The following ZNF131 variants were observed in gnomAD, a reference collection of about 807,000 sequenced individuals.
ZNF131 encodes zinc finger and BTB domain containing 35, also known as zinc finger protein 131.
Under a neutral mutation model 60.0 loss-of-function variants are expected in ZNF131, and 7 were observed. The observed-to-expected ratio is 0.12, with a 90% confidence interval of 0.07 to 0.22. The LOEUF is 0.22. ZNF131 is among the 10% of genes least tolerant of loss of function. The pLI, the probability that ZNF131 is intolerant of heterozygous loss-of-function variation, is 1.00. For missense variants in ZNF131, 493 were observed against 740.9 expected (o/e 0.67, Z 3.88); for synonymous variants, 257 against 253.2 (o/e 1.01, Z -0.14).
chr5:43,168,156 C>T, intron 5 of ZNF131: 1 of 259,730 alleles, frequency 3.9e-6, no homozygotes, highest in South Asian at 3.8e-5. Flanking sequence ...GAGGGCAGAG[C>T]CCTCATGATC....
Position 43,145,778 on chromosome 5 carries a change from C to T in ZNF131, c.371+6469C>T, listed in dbSNP as rs534674362. ...TTTTTTTCCTCATTTTAATATATTT[C>T]AAATAGGAATTCCTTTTAATAGTGA... On this transcript the variant is annotated intron_variant, in intron 4 of 6. Transcript: ENST00000682664. 2.6e-5 allele frequency among the ~76,000 whole-genome samples: 4 copies of T among 152,262 alleles called. No homozygotes were observed. The East Asian group carries it at 7.7e-4, about 29-fold the overall frequency.
chr5:43,162,568 GT>G (rs1749823737), intron 5 of ZNF131, among the ~76,000 whole-genome samples: 1 of 136,672 alleles, frequency 7.3e-6, no homozygotes. Context: ...CTCCAGCCTG[GT>G]CAATAGAGTG....
chr5:43,130,566 A>G (rs1205410870), intron 3 of ZNF131, among the ~76,000 whole-genome samples: 1 of 151,890 alleles, frequency 6.6e-6, no homozygotes, highest in Non-Finnish European at 1.5e-5. Flanking sequence ...TTTAATTTTA[A>G]TTTTAATTTT....
Position 43,173,147 on chromosome 5 carries a change from C to T in ZNF131, c.1055-171C>T, listed in dbSNP as rs1168039956. On this transcript the variant is annotated intron_variant, in intron 5 of 6. Transcript: ENST00000682664. ...ATATTAAATTTTATTATTTTTGCTA[C>T]CTCTAGAAAAGTCTTTGGAATATGG... 2.6e-5 allele frequency: 15 copies of T among 581,520 alleles called. No individual in the cohort carries two copies. The South Asian group carries it at 4.0e-4, about 16-fold the overall frequency. 36.0% of individuals were successfully genotyped at this position (581,520 alleles called of 1,614,324 possible).
rs139891530 is a variant in ZNF131, at chr5:43,168,169, A to G, written c.1055-5149A>G. ...ATGAGGGCAGAGCCCTCATGATCCT[A>G]TCACCTCTTAAAGGTCCTACCTCTC... On this transcript the variant is annotated intron_variant, in intron 5 of 6. Coordinates refer to ENST00000682664, the MANE Select transcript of ZNF131 (RefSeq NM_001330707.2). 1.5e-3 allele frequency: 364 copies of G among 241,456 alleles called. 1 individual carries two copies. Among genetic ancestry groups the G allele is most frequent in the African/African-American group, 6.6e-3 (291 of 44,076 alleles). 15.0% of individuals were successfully genotyped at this position (241,456 alleles called of 1,614,324 possible). A position where few individuals can be genotyped will look rare whatever the true frequency, so the allele number is the denominator to read the frequency against.
At chr5:43,138,714 T>C (rs1185218069) in intron 3 of ZNF131, among the ~76,000 whole-genome samples, 1 of 152,064 alleles carries the variant, frequency 6.6e-6, no homozygotes, top group African/African-American at 2.4e-5. Context: ...AAATAGTATA[T>C]AGTGTGTGTG....
At chr5:43,139,125 T>G (rs1746493355) in intron 3 of ZNF131, 40 bp from the exon 4 acceptor site, 4 of 1,443,072 alleles carry the variant, frequency 2.8e-6, no homozygotes, top group Non-Finnish European at 3.7e-6. Context: ...AAGATTTGAG[T>G]CAATATGATT....
intron 3 of ZNF131, among the ~76,000 whole-genome samples, chr5:43,125,623 A>G (rs1216440693): frequency 6.6e-6 from 1 of 151,884 alleles, no homozygotes; most frequent in East Asian, 2.0e-4. Context: ...TCTACTAAAA[A>G]TATAAAATTA....
chr5:43,161,146 A>T (rs535402475), intron 4 of ZNF131, 103 bp from the exon 5 acceptor site: 122 of 1,063,812 alleles, frequency 1.1e-4, no homozygotes, highest in Non-Finnish European at 1.6e-4. Flanking sequence ...GTCTTGTTTT[A>T]TAACTGTTTA....
Position 43,175,625 on chromosome 5 carries a change from T to G in ZNF131, c.*492T>G, listed in dbSNP as rs1751493208. On this transcript the variant is annotated 3_prime_UTR_variant, in exon 7 of 7. Transcript: ENST00000682664. ...GCAGTTAAATTTTGGCTTCTGGCTT[T>G]CTTTAGTTTGAACAAACGTTCTTGT... 3.7e-6 allele frequency: 2 copies of G among 539,204 alleles called. No homozygotes were observed. The highest frequency in any genetic ancestry group is 4.8e-5 in the South Asian group (2 of 41,498). The allele number at this position is 539,204 out of a possible 1,614,324, so 33.4% of individuals were successfully genotyped here.
At chr5:43,154,249 TAAAAATAC>T (rs1748685731) in intron 4 of ZNF131, among the ~76,000 whole-genome samples, 1 of 151,930 alleles carries the variant, frequency 6.6e-6, no homozygotes, top group African/African-American at 2.4e-5. Flanking sequence ...CTGTCTCTAC[TAAAAATAC>T]AAAAACGTTA....
intron 4 of ZNF131, among the ~76,000 whole-genome samples, chr5:43,156,632 T>A (rs1050454438): frequency 9.2e-5 from 14 of 152,220 alleles, no homozygotes; most frequent in Non-Finnish European, 1.8e-4. Flanking sequence ...CTATTTCAGC[T>A]TCGGGGATTC....
intron 5 of ZNF131, chr5:43,167,913 G>T: frequency 2.2e-6 from 1 of 445,132 alleles, no homozygotes; most frequent in Non-Finnish European, 4.5e-6. Flanking sequence ...TAAAGAAAAG[G>T]AATTTATTTC....
intron 4 of ZNF131, among the ~76,000 whole-genome samples, 193 bp downstream of exon 4, chr5:43,139,502 G>T (rs1746536808): frequency 6.6e-6 from 1 of 152,196 alleles, no homozygotes; most frequent in Admixed American, 6.5e-5. Context: ...CTGATCATGT[G>T]TTAAAACTGC....
At chr5:43,163,818 T>C (rs1351828265) in intron 5 of ZNF131, among the ~76,000 whole-genome samples, 1 of 152,218 alleles carries the variant, frequency 6.6e-6, no homozygotes, top group African/African-American at 2.4e-5. Flanking sequence ...AGAATCTTTC[T>C]CTTTGATGCT....
chr5:43,161,510 A>G lies in ZNF131; in HGVS notation c.633A>G (p.Leu211=). 2.5e-6 allele frequency: 4 copies of G among 1,614,266 alleles called. No individual in the cohort carries two copies. The highest frequency in any genetic ancestry group is 2.5e-6 in the Non-Finnish European group (3 of 1,180,046). ...CAGGTTCCTCTGATGATTCTGCTCTAGCACTGTTGGCAGATATTACCAGCA... is the reference window on the plus strand; with the variant it reads ...CAGGTTCCTCTGATGATTCTGCTCTGGCACTGTTGGCAGATATTACCAGCA... ...QSTGSSDDSA[L]ALLADITSKY... The change falls in exon 5 of 7, where the codon CTA becomes CTG. Residue 211 remains leucine, a synonymous_variant. Transcript: ENST00000682664.
rs1365295605 is a variant in ZNF131, at chr5:43,174,815, G to A, written c.1554G>A (p.Glu518=). 6.2e-7 allele frequency: 1 copy of A among 1,614,190 alleles called. No homozygotes were observed. The highest frequency in any genetic ancestry group is 8.5e-7 in the Non-Finnish European group (1 of 1,180,038). Reference sequence around the variant, plus strand: ...ATTCACACATGAGTGAGCTTCCAGAGCAGGTCCAAGTGAGTTATCTAGAAG... The same window carrying A: ...ATTCACACATGAGTGAGCTTCCAGAACAGGTCCAAGTGAGTTATCTAGAAG... ...VHDSHMSELP[E]QVQVSYLEVG... Residue 518 remains glutamate (E), a synonymous_variant, in exon 7 of 7, where the codon GAG becomes GAA. Coordinates refer to ENST00000682664, the MANE Select transcript of ZNF131 (RefSeq NM_001330707.2).
At chr5:43,167,616 A>T (rs1490445662) in intron 5 of ZNF131, among the ~76,000 whole-genome samples, 2 of 152,118 alleles carry the variant, frequency 1.3e-5, no homozygotes, top group Non-Finnish European at 2.9e-5. Flanking sequence ...AATTTTAGCT[A>T]TTTTTTGTCC....
intron 4 of ZNF131, among the ~76,000 whole-genome samples, chr5:43,158,031 C>A (rs1232444159): frequency 1.3e-5 from 2 of 152,150 alleles, no homozygotes; most frequent in Non-Finnish European, 2.9e-5. Context: ...TGCAGTGGTG[C>A]CATCTTGGCT....
Sources: allele counts gnomAD v4.1 joint callset (sites outside exome capture counted in the v4.1 genomes callset), GRCh38; gene constraint gnomAD v4.1.1; transcripts MANE v1.5; gene names NCBI Gene and HGNC (gene_info 2026-07-23, HGNC 2026-07-21).